TPST1: variants seen among roughly 807,000 people sequenced by gnomAD.
TPST1 encodes the protein protein-tyrosine sulfotransferase 1.
Under a neutral mutation model 34.8 loss-of-function variants are expected in TPST1, and 20 were observed. The ratio of observed to expected loss-of-function variants is 0.57; its 90% CI spans 0.40 to 0.84. The LOEUF is 0.84. Among genes scored for constraint, TPST1 ranks in the 40% least tolerant of loss-of-function variants. The probability of loss-of-function intolerance (pLI) is 0.00; values close to 1 mark genes in which losing one functional copy is unlikely to be tolerated. For synonymous variants in TPST1, 152 were observed against 159.4 expected (o/e 0.95, Z 0.35); for missense variants, 353 against 455.5 (o/e 0.78, Z 2.05).
intron 3 of TPST1, among the ~76,000 whole-genome samples, chr7:66,303,405 G>GTATGTATGTATGTATGTATA (rs1387502335): frequency 1.3e-5 from 2 of 152,006 alleles, no homozygotes; most frequent in Admixed American, 1.3e-4. Flanking sequence ...ATGTATGTAT[G>GTATGTATGTATGTATGTATA]TATGTATGTA....
intron 1 of TPST1, among the ~76,000 whole-genome samples, chr7:66,234,422 CACACACACAG>C (rs888411520): frequency 4.0e-5 from 6 of 150,982 alleles, no homozygotes; most frequent in Non-Finnish European, 8.9e-5. Context: ...CACACACACA[CACACACACAG>C]ACACACACAC....
At chr7:66,284,515 C>G (rs1790994240) in intron 2 of TPST1, among the ~76,000 whole-genome samples, 1 of 146,284 alleles carries the variant, frequency 6.8e-6, no homozygotes, top group South Asian at 2.1e-4. Context: ...TTCTCTTTTT[C>G]TTCACCCCGC....
At chr7:66,203,284 G>A (rs1236475571), upstream of TPST1, among the ~76,000 whole-genome samples, 1 of 151,434 alleles carries the variant, frequency 6.6e-6, no homozygotes, top group Non-Finnish European at 1.5e-5. Flanking sequence ...CTGTCACCCA[G>A]GCTGGAGTGC....
At chr7:66,263,955 A>C (rs1304348259) in intron 2 of TPST1, among the ~76,000 whole-genome samples, 1 of 152,190 alleles carries the variant, frequency 6.6e-6, no homozygotes, top group Admixed American at 6.5e-5. Flanking sequence ...CTTAGTAAGA[A>C]TAGTGAGCTT....
chr7:66,239,735 C>G (rs1276606178), intron 1 of TPST1, among the ~76,000 whole-genome samples: 1 of 152,076 alleles, frequency 6.6e-6, no homozygotes, highest in African/African-American at 2.4e-5. Flanking sequence ...ATTTATTTTC[C>G]ATTCTTTACC....
intron 1 of TPST1, among the ~76,000 whole-genome samples, chr7:66,239,968 G>A (rs1274303812): frequency 1.3e-5 from 2 of 152,042 alleles, no homozygotes; most frequent in African/African-American, 4.8e-5. Context: ...TGCAAGCTCT[G>A]CCTCCTGGAT....
intron 2 of TPST1, among the ~76,000 whole-genome samples, chr7:66,285,150 A>AT (rs1449647399): frequency 1.3e-5 from 2 of 152,090 alleles, no homozygotes; most frequent in Non-Finnish European, 2.9e-5. Flanking sequence ...AGAATTCAGA[A>AT]TTTTTTGGAT....
chr7:66,211,805 A>G (rs1415304826), intron 1 of TPST1, among the ~76,000 whole-genome samples: 1 of 152,186 alleles, frequency 6.6e-6, no homozygotes, highest in Non-Finnish European at 1.5e-5. Context: ...GTCTCTACTA[A>G]AAATACAATA....
chr7:66,264,293 T>G (rs1004110430), intron 2 of TPST1, among the ~76,000 whole-genome samples: 1 of 152,226 alleles, frequency 6.6e-6, no homozygotes, highest in Non-Finnish European at 1.5e-5. Context: ...GAGATGTCTA[T>G]GAGAGCTTTG....
intron 4 of TPST1, among the ~76,000 whole-genome samples, chr7:66,353,596 G>T (rs1301291000): frequency 1.3e-5 from 2 of 152,254 alleles, no homozygotes; most frequent in South Asian, 4.1e-4. Context: ...GCCTAGAGGA[G>T]CCCGGCATCC....
chr7:66,253,388 T>G (rs562886536), intron 2 of TPST1, among the ~76,000 whole-genome samples: 81 of 150,688 alleles, frequency 5.4e-4, no homozygotes, highest in African/African-American at 1.8e-3. Flanking sequence ...TTTTTTTTTT[T>G]GAGACAGAGT....
intron 2 of TPST1, among the ~76,000 whole-genome samples, chr7:66,283,218 G>A (rs746749535): frequency 8.5e-5 from 13 of 152,060 alleles, no homozygotes; most frequent in Admixed American, 5.2e-4. Flanking sequence ...CTGAGATTGC[G>A]TCACTGCACT....
At chr7:66,316,962 T>G (rs1489208138) in intron 3 of TPST1, among the ~76,000 whole-genome samples, 2 of 152,126 alleles carry the variant, frequency 1.3e-5, no homozygotes. Flanking sequence ...GAAACATAAC[T>G]AATGGGTACT....
At chr7:66,355,571 G>C (rs1792565512) in intron 4 of TPST1, among the ~76,000 whole-genome samples, 1 of 151,360 alleles carries the variant, frequency 6.6e-6, no homozygotes, top group Non-Finnish European at 1.5e-5. Flanking sequence ...CAAAAAGCCT[G>C]GACAACATAG....
intron 1 of TPST1, among the ~76,000 whole-genome samples, chr7:66,232,200 AATTTTTT>A (rs747466986): frequency 7.8e-6 from 1 of 127,676 alleles, no homozygotes; most frequent in Non-Finnish European, 1.7e-5. Context: ...TATTAAAAAA[AATTTTTT>A]TTTTTTTTTT....
chr7:66,281,034 T>A (rs796480107), intron 2 of TPST1, among the ~76,000 whole-genome samples: 5 of 152,312 alleles, frequency 3.3e-5, no homozygotes, highest in African/African-American at 1.2e-4. Flanking sequence ...GTTTTTAACA[T>A]GAAGGGATGC....
Position 66,238,144 on chromosome 7 carries a change from A to C in TPST1, c.-101-2181A>C, listed in dbSNP as rs114401564. Among the ~76,000 whole-genome samples the C allele has an allele frequency of 7.3e-3, 1,113 of 152,218 alleles. 15 individuals carry two copies. Among genetic ancestry groups the C allele is most frequent in the African/African-American group, 0.024 (989 of 41,536 alleles). On this transcript the variant is annotated intron_variant, in intron 1 of 5. Transcript: ENST00000304842. ...AGCCTCAGTAAGTTTACTTCATCTA[A>C]GTGGGTCTAGGTTCTGGGGTGATTA...
In TPST1 at chr7:66,323,751, C is replaced by T. The variant is rs1327517806; in HGVS notation, c.1045-28754C>T. Among the ~76,000 whole-genome samples the T allele has an allele frequency of 3.3e-5, 5 of 152,234 alleles. No individual in the cohort carries two copies. The East Asian group carries it at 9.6e-4, about 29-fold the overall frequency. On this transcript the variant is annotated intron_variant, in intron 3 of 5. Coordinates refer to ENST00000304842, the MANE Select transcript of TPST1 (RefSeq NM_003596.4). ...CAGAGTTGGTTCCTCTTGAATCACC[C>T]AATTTGTGGTGAATTGAAACTATAA...
intron 3 of TPST1, among the ~76,000 whole-genome samples, chr7:66,343,303 CAAAA>C (rs995838671): frequency 6.6e-6 from 1 of 152,024 alleles, no homozygotes; most frequent in African/African-American, 2.4e-5. Context: ...AATGCTGAAA[CAAAA>C]AACCAAAAAC....
Sources: gnomAD v4.1 joint callset for allele counts (sites outside exome capture counted in the v4.1 genomes callset) on GRCh38, gnomAD v4.1.1 for gene constraint, MANE v1.5 for transcripts, NCBI Gene and HGNC (gene_info 2026-07-23, HGNC 2026-07-21) for gene names.